Variants in CAVIN2 observed in about 807,000 individuals in gnomAD.
CAVIN2 encodes caveolae associated protein 2.
In CAVIN2, 13 loss-of-function variants were observed where a neutral mutation model predicts 11.7. The observed-to-expected ratio is 1.11, with a 90% CI of 0.72 to 1.77. CAVIN2 has a LOEUF of 1.77. CAVIN2 is among the 40% of genes most tolerant of loss of function. The pLI is 0.00. For missense variants in CAVIN2, 549 were observed against 542.9 expected (o/e 1.01, Z -0.11); for synonymous variants, 237 against 223.2 (o/e 1.06, Z -0.55).
intron 1 of CAVIN2, among the ~76,000 whole-genome samples, chr2:191,846,157 T>C (rs1690162120): frequency 6.6e-6 from 1 of 152,196 alleles, no homozygotes; most frequent in African/African-American, 2.4e-5. Flanking sequence ...CTGCACATCT[T>C]CCCAACCTGT....
intron 1 of CAVIN2, among the ~76,000 whole-genome samples, chr2:191,845,998 C>A (rs1032743278): frequency 3.3e-5 from 5 of 152,206 alleles, no homozygotes; most frequent in East Asian, 3.8e-4. Context: ...GTTAAAAAAA[C>A]CACAAAATAC....
At chr2:191,842,135 T>C (rs762626204) in intron 1 of CAVIN2, among the ~76,000 whole-genome samples, 8 of 152,242 alleles carry the variant, frequency 5.3e-5, no homozygotes, top group Admixed American at 2.0e-4. Flanking sequence ...GTTACACTTT[T>C]AGCGTCTCTC....
Position 191,846,867 on chromosome 2 carries a change from T to C in CAVIN2, c.59A>G (p.Gln20Arg). The C allele has an allele frequency of 6.2e-7, 1 of 1,614,108 alleles. No homozygotes were observed. The highest frequency in any genetic ancestry group is 8.5e-7 in the Non-Finnish European group (1 of 1,180,002). The change falls in exon 1 of 2, where the codon CAG (glutamine) becomes CGG (arginine). Residue 20 changes from glutamine to arginine, a missense_variant. Coordinates refer to ENST00000304141, the MANE Select transcript of CAVIN2 (RefSeq NM_004657.6). ...KFQHPGSDMRQEKPSSPSPMP... is the reference protein window; with the variant it reads ...KFQHPGSDMRREKPSSPSPMP... The stretch of plus-strand genomic sequence containing the variant: ...CGGGCTGGGGCTCGAGGGCTTTTCC[T>C]GCCGCATGTCAGACCCAGGGTGCTG...
At chr2:191,844,035 A>C (rs1690131481) in intron 1 of CAVIN2, among the ~76,000 whole-genome samples, 1 of 152,206 alleles carries the variant, frequency 6.6e-6, no homozygotes, top group South Asian at 2.1e-4. Context: ...GATAAATGAG[A>C]TAAGATGCTT....
intron 1 of CAVIN2, among the ~76,000 whole-genome samples, chr2:191,843,452 A>T (rs1397657105): frequency 1.3e-5 from 2 of 152,184 alleles, no homozygotes; most frequent in Non-Finnish European, 2.9e-5. Flanking sequence ...AAATTACCTA[A>T]AGACACTGAG....
At chr2:191,843,144 A>G (rs901468343) in intron 1 of CAVIN2, among the ~76,000 whole-genome samples, 31 of 152,230 alleles carry the variant, frequency 2.0e-4, no homozygotes, top group Admixed American at 1.9e-3. Flanking sequence ...AGATTCCACC[A>G]TTGCACTCCA....
chr2:191,842,364 A>G (rs553308021), intron 1 of CAVIN2, among the ~76,000 whole-genome samples: 21 of 152,202 alleles, frequency 1.4e-4, no homozygotes, highest in Non-Finnish European at 2.6e-4. Flanking sequence ...TCAAATAATC[A>G]TTACTAGAAC....
chr2:191,846,465 T>C lies in CAVIN2; in HGVS notation c.461A>G (p.His154Arg). 6.2e-7 allele frequency: 1 copy of C among 1,613,366 alleles called. No homozygotes were observed. ...NNHAQLLRRN[H>R]FKVLIFQEEN... ...GACCTGGAAGATGAGCACTTTGAAA[T>C]GGTTGCGTCGGAGGAGCTGGGCGTG... Residue 154 changes from histidine to arginine, a missense_variant, in exon 1 of 2, where the codon CAT becomes CGT. Coordinates refer to ENST00000304141, the MANE Select transcript of CAVIN2 (RefSeq NM_004657.6).
rs746294169 is a variant in CAVIN2, at chr2:191,846,959, G to T, written c.-34C>A. Reference sequence around the variant, plus strand: ...AGGTGGGAACGTTCTTTCTCTCTGGGAGCTGCTTCTTGCTCGGGTGAGAAG... The same window carrying T: ...AGGTGGGAACGTTCTTTCTCTCTGGTAGCTGCTTCTTGCTCGGGTGAGAAG... On this transcript the variant is annotated 5_prime_UTR_variant, in exon 1 of 2. Transcript: ENST00000304141. The T allele has an allele frequency of 3.8e-6, 6 of 1,561,042 alleles. No individual in the cohort carries two copies. The highest frequency in any genetic ancestry group is 5.2e-6 in the Non-Finnish European group (6 of 1,158,488).
chr2:191,836,608 T>C lies in CAVIN2; in HGVS notation c.593A>G (p.His198Arg). 1 of 1,614,160 alleles carries C rather than the reference T, an allele frequency of 6.2e-7. No homozygotes were observed. Among genetic ancestry groups the C allele is most frequent in the Non-Finnish European group, 8.5e-7 (1 of 1,180,030 alleles). The part of the protein sequence containing the change: ...DENKSLEETL[H>R]TVDLSSDDDL... ...ATCATCTGAGGAGAGGTCCACGGTG[T>C]GCAGGGTTTCCTCCAGGGATTTGTT... The change falls in exon 2 of 2, where the codon CAC becomes CGC. Residue 198 changes from histidine (H) to arginine (R), a missense_variant. Coordinates refer to ENST00000304141, the MANE Select transcript of CAVIN2 (RefSeq NM_004657.6).
intron 1 of CAVIN2, among the ~76,000 whole-genome samples, chr2:191,837,065 TCTC>T (rs1051362159): frequency 6.6e-6 from 1 of 152,130 alleles, no homozygotes; most frequent in Non-Finnish European, 1.5e-5. Flanking sequence ...AGGCCCTCTC[TCTC>T]CTATCCTCTT....
intron 1 of CAVIN2, among the ~76,000 whole-genome samples, chr2:191,843,988 C>A (rs565249935): frequency 1.4e-4 from 22 of 152,146 alleles, no homozygotes; most frequent in Non-Finnish European, 2.6e-4. Context: ...AAGCCATAAA[C>A]GTTTTCGAAT....
intron 1 of CAVIN2, among the ~76,000 whole-genome samples, chr2:191,838,790 T>G (rs568580765): frequency 1.3e-5 from 2 of 152,208 alleles, no homozygotes; most frequent in East Asian, 3.9e-4. Flanking sequence ...GTTAAATGAG[T>G]GCATGTTGGG....
At position 191,836,004 on chromosome 2, in the gene CAVIN2, G is replaced by C. The variant is rs756905753; in HGVS notation, c.1197C>G (p.Tyr399Ter). The C allele has an allele frequency of 6.2e-7, 1 of 1,614,184 alleles. No individual in the cohort carries two copies. Among genetic ancestry groups the C allele is most frequent in the Non-Finnish European group, 8.5e-7 (1 of 1,180,040 alleles). Reference sequence around the variant, plus strand: ...GCTCCGCCTCCTCGGATGTTAGCGCGTAGCTACCCTCATAGCGTACCTTCT... The same window carrying C: ...GCTCCGCCTCCTCGGATGTTAGCGCCTAGCTACCCTCATAGCGTACCTTCT... ...QAQKVRYEGS[Y>*]ALTSEEAERS... Residue 399 changes from tyrosine (Y) to a stop codon, truncating the protein, a stop_gained, in exon 2 of 2, where the codon TAC becomes TAG. Transcript: ENST00000304141. LOFTEE classifies it low-confidence loss of function (END_TRUNC).
In CAVIN2 at chr2:191,836,731, C is replaced by T. The variant is rs1292458631; in HGVS notation, c.484-14G>A. On this transcript the variant is annotated splice_polypyrimidine_tract_variant and intron_variant, in intron 1 of 1. Transcript: ENST00000304141. ...CTCATTTTCCTCCTGAAAAGACGGA[C>T]AATGTAGGTTTCATGTTAATAACAT... 1 of 1,606,036 alleles carries T rather than the reference C, an allele frequency of 6.2e-7. No individual in the cohort carries two copies. The highest frequency in any genetic ancestry group is 1.3e-5 in the African/African-American group (1 of 74,538).
Position 191,846,635 on chromosome 2 carries a change from G to A in CAVIN2, c.291C>T (p.Leu97=), listed in dbSNP as rs773640277. The A allele has an allele frequency of 5.6e-6, 9 of 1,614,140 alleles. No individual in the cohort carries two copies. Among genetic ancestry groups the A allele is most frequent in the Non-Finnish European group, 7.6e-6 (9 of 1,180,052 alleles). The change falls in exon 1 of 2, where the codon CTC becomes CTT. Residue 97 remains leucine (L), a synonymous_variant. Coordinates refer to ENST00000304141, the MANE Select transcript of CAVIN2 (RefSeq NM_004657.6). ...AGGCCTGGTACTTGGAGAGCTTGGT[G>A]AGGTCATTCTGGATGCCCTTCACGG... The part of the protein sequence containing the change: ...EGSVKGIQND[L]TKLSKYQAST...
chr2:191,846,534 C>G lies in CAVIN2; in HGVS notation c.392G>C (p.Arg131Pro). The change falls in exon 1 of 2, where the codon CGC (arginine) becomes CCC (proline). Residue 131 changes from arginine (R) to proline (P), a missense_variant. Arg to Pro is a moderately radical substitution (Grantham distance 103). Transcript: ENST00000304141. Reference sequence around the variant, plus strand: ...CACCTGTGCGCACTGCCTATCCATGCGCTCTTTGACCGCGCGCGTGTGGGC... The same window carrying G: ...CACCTGTGCGCACTGCCTATCCATGGGCTCTTTGACCGCGCGCGTGTGGGC... ...VSAHTRAVKE[R>P]MDRQCAQVKR... is the part of the protein sequence containing the mutation. 6.2e-7 allele frequency: 1 copy of G among 1,614,260 alleles called. No individual in the cohort carries two copies.
Position 191,846,732 on chromosome 2 carries a change from A to T in CAVIN2, c.194T>A (p.Leu65Gln). Residue 65 changes from leucine (L) to glutamine (Q), a missense_variant, in exon 1 of 2, where the codon CTG (leucine) becomes CAG (glutamine). Coordinates refer to ENST00000304141, the MANE Select transcript of CAVIN2 (RefSeq NM_004657.6). ...CTGCACAGCGTCTAGCATGTTCACC[A>T]GCTTGTCCAGGAGCGTGAGCACCGT... ...AVTVLTLLDK[L>Q]VNMLDAVQEN... 6.2e-7 allele frequency: 1 copy of T among 1,614,148 alleles called. No homozygotes were observed. The highest frequency in any genetic ancestry group is 1.6e-4 in the Middle Eastern group (1 of 6,062).
chr2:191,835,559 CA>C lies in CAVIN2; in HGVS notation c.*363del, dbSNP rs1690000339. The C allele has an allele frequency of 8.9e-6, 2 of 224,684 alleles. No individual in the cohort carries two copies. The highest frequency in any genetic ancestry group is 1.0e-4 in the Admixed American group (2 of 19,850). The allele number at this position is 224,684 out of a possible 1,614,324, so 13.9% of individuals were successfully genotyped here. Reference sequence around the variant, plus strand: ...TACAATATATTACCGGTACACTATTCAGCAAGCTTATGGAATGACAAAAAAG... The same window carrying C: ...TACAATATATTACCGGTACACTATTCGCAAGCTTATGGAATGACAAAAAAG... On this transcript the variant is annotated 3_prime_UTR_variant, in exon 2 of 2. Coordinates refer to ENST00000304141, the MANE Select transcript of CAVIN2 (RefSeq NM_004657.6).
Sources: allele counts gnomAD v4.1 joint callset (sites outside exome capture counted in the v4.1 genomes callset), GRCh38; gene constraint gnomAD v4.1.1; transcripts MANE v1.5; gene names NCBI Gene and HGNC (gene_info 2026-07-23, HGNC 2026-07-21).